PTBP3: variants seen among roughly 807,000 people sequenced by gnomAD.
PTBP3 encodes the protein polypyrimidine tract binding protein 3, also known as polypyrimidine tract-binding protein 3.
PTBP3 carries 20 observed loss-of-function variants against 58.7 expected under a neutral mutation model. That is an observed-to-expected ratio of 0.34 (90% CI 0.24 to 0.50). The LOEUF (loss-of-function observed/expected upper bound fraction) is 0.50. Ranked by LOEUF, PTBP3 falls within the 20% of genes least tolerant of loss-of-function variation. The probability of loss-of-function intolerance (pLI) is 0.98; values close to 1 mark genes in which losing one functional copy is unlikely to be tolerated. For synonymous variants in PTBP3, 185 were observed against 219.8 expected (o/e 0.84, Z 1.40); for missense variants, 509 against 637.2 (o/e 0.80, Z 2.17).
chr9:112,285,628 G>A (rs1394199738), intron 2 of PTBP3, among the ~76,000 whole-genome samples: 1 of 152,150 alleles, frequency 6.6e-6, no homozygotes. Flanking sequence ...GTGCAGTTAC[G>A]GCATGAAAGC....
At chr9:112,263,503 T>C (rs1836681972) in intron 4 of PTBP3, among the ~76,000 whole-genome samples, 1 of 152,212 alleles carries the variant, frequency 6.6e-6, no homozygotes, top group African/African-American at 2.4e-5. Context: ...ACAGATACTC[T>C]GAATTGAATC....
chr9:112,289,726 G>C (rs1828294273), intron 2 of PTBP3, among the ~76,000 whole-genome samples: 1 of 152,154 alleles, frequency 6.6e-6, no homozygotes, highest in Admixed American at 6.5e-5. Context: ...AGGCTGTAGT[G>C]AGCTGTGATT....
Position 112,262,453 on chromosome 9 carries a change from G to A in PTBP3, c.498C>T (p.Thr166=). The A allele has an allele frequency of 6.2e-7, 1 of 1,601,862 alleles. No homozygotes were observed. The highest frequency in any genetic ancestry group is 8.5e-7 in the Non-Finnish European group (1 of 1,175,770). The part of the protein sequence containing the change: ...IIIENLFYPV[T]LEVLHQIFSK... ...TCCTTACCTGATGAAGAACTTCCAGGGTAACAGGGTAAAAGAGGTTTTCAA... is the reference window on the plus strand; with the variant it reads ...TCCTTACCTGATGAAGAACTTCCAGAGTAACAGGGTAAAAGAGGTTTTCAA... The change falls in exon 5 of 14, where the codon ACC becomes ACT. Residue 166 remains threonine (T), a synonymous_variant. Coordinates refer to ENST00000374257, the MANE Select transcript of PTBP3 (RefSeq NM_001163788.4).
chr9:112,243,279 G>A (rs1041436835), intron 7 of PTBP3, among the ~76,000 whole-genome samples: 6 of 151,854 alleles, frequency 4.0e-5, no homozygotes, highest in Non-Finnish European at 8.8e-5. Context: ...GGTGGCTCAC[G>A]TCTGTAATAC....
At position 112,223,919 on chromosome 9, in the gene PTBP3, C is replaced by T; in HGVS notation, c.1507G>A (p.Glu503Lys). The T allele has an allele frequency of 1.2e-6, 2 of 1,613,762 alleles. No individual in the cohort carries two copies. The highest frequency in any genetic ancestry group is 1.1e-5 in the South Asian group (1 of 91,062). The change falls in exon 14 of 14, where the codon GAG becomes AAG. Residue 503 changes from glutamate to lysine, a missense_variant. By Grantham distance (56) the Glu-to-Lys change is moderately conservative. Transcript: ENST00000374257. ...TCTCCAAGGTCATGGTTATGAAGCT[C>T]AATGAGGGCCTGAATTGCTTCTTCC... is the stretch of plus-strand genomic sequence containing the variant. ...SVEEAIQALI[E>K]LHNHDLGENH...
intron 1 of PTBP3, among the ~76,000 whole-genome samples, chr9:112,317,901 C>T (rs1375068473): frequency 1.3e-5 from 2 of 151,988 alleles, no homozygotes; most frequent in Non-Finnish European, 2.9e-5. Flanking sequence ...CAAGATCGCG[C>T]CACTGCACTC....
At chr9:112,301,106 T>C (rs956835107) in intron 1 of PTBP3, among the ~76,000 whole-genome samples, 4 of 152,062 alleles carry the variant, frequency 2.6e-5, no homozygotes, top group African/African-American at 9.6e-5. Context: ...TATTTACAAG[T>C]CACACATCTC....
the PTBP3 span, among the ~76,000 whole-genome samples, chr9:112,368,887 G>T: frequency 2.0e-5 from 3 of 152,226 alleles, no homozygotes; most frequent in Non-Finnish European, 2.9e-5. Flanking sequence ...ATGGTTTCAT[G>T]GGCCAGGGCC....
At chr9:112,349,863 C>CAAAAAAAAAAAAAAAAA in the PTBP3 span, among the ~76,000 whole-genome samples, 4 of 49,696 alleles carry the variant, frequency 8.0e-5, no homozygotes, top group African/African-American at 3.6e-4. Context: ...GACTCTGTCT[C>CAAAAAAAAAAAAAAAAA]AAAAAAAAAA....
intron 6 of PTBP3, among the ~76,000 whole-genome samples, chr9:112,251,752 G>C (rs566699935): frequency 1.3e-5 from 2 of 151,980 alleles, no homozygotes; most frequent in Admixed American, 6.6e-5. Context: ...ACAAATGCTT[G>C]AATTTATAAA....
chr9:112,259,446 C>T (rs1483831018), intron 5 of PTBP3, among the ~76,000 whole-genome samples: 1 of 152,200 alleles, frequency 6.6e-6, no homozygotes, highest in African/African-American at 2.4e-5. Flanking sequence ...TGACACCAGC[C>T]TTCTTTCTGA....
the PTBP3 span, among the ~76,000 whole-genome samples, chr9:112,379,201 AAAAC>A: frequency 1.1e-4 from 16 of 152,178 alleles, no homozygotes; most frequent in Non-Finnish European, 1.6e-4. Context: ...AAACAAAACA[AAAAC>A]AAAGGAGAGA....
At chr9:112,228,747 A>C (rs1835090653) in intron 10 of PTBP3, among the ~76,000 whole-genome samples, 1 of 152,212 alleles carries the variant, frequency 6.6e-6, no homozygotes, top group Non-Finnish European at 1.5e-5. Flanking sequence ...AGCTGTAGAT[A>C]AATACCATCA....
intron 1 of PTBP3, among the ~76,000 whole-genome samples, chr9:112,303,431 T>C (rs1364820977): frequency 6.6e-6 from 1 of 152,118 alleles, no homozygotes; most frequent in Non-Finnish European, 1.5e-5. Context: ...GTACACAAAG[T>C]TAGTTCTCAG....
chr9:112,277,946 T>TAATATAACATAACATAAC (rs1564427648), intron 2 of PTBP3, among the ~76,000 whole-genome samples: 1 of 58,170 alleles, frequency 1.7e-5, no homozygotes, highest in East Asian at 4.3e-4. Flanking sequence ...CATAACATAA[T>TAATATAACATAACATAAC]ATAACATAAC....
rs1001543001 is a variant in PTBP3 at position 112,252,869 on chromosome 9, A to G, written c.517-81T>C. On this transcript the variant is annotated intron_variant, in intron 5 of 13. Coordinates refer to ENST00000374257, the MANE Select transcript of PTBP3 (RefSeq NM_001163788.4). The stretch of plus-strand genomic sequence containing the variant: ...TCTTTATAAATACAACTTGTTCATA[A>G]ATCCTTTTAAATGAAAATTTTCTCT... 3.4e-5 allele frequency: 28 copies of G among 825,610 alleles called. No individual in the cohort carries two copies. In the Admixed American group the frequency reaches 4.8e-4, roughly 14 times the overall value. 51.1% of individuals were successfully genotyped at this position (825,610 alleles called of 1,614,324 possible). A position where few individuals can be genotyped will look rare whatever the true frequency, so the allele number is the denominator to read the frequency against.
At chr9:112,238,256 T>A (rs1314732880) in intron 7 of PTBP3, among the ~76,000 whole-genome samples, 1 of 152,132 alleles carries the variant, frequency 6.6e-6, no homozygotes, top group Non-Finnish European at 1.5e-5. Context: ...AGACACTTTT[T>A]AAAAATGAAC....
intron 4 of PTBP3, among the ~76,000 whole-genome samples, chr9:112,266,281 C>A (rs565809810): frequency 6.6e-6 from 1 of 152,128 alleles, no homozygotes; most frequent in African/African-American, 2.4e-5. Context: ...GTATATTTTA[C>A]TACAATAAAA....
the PTBP3 span, among the ~76,000 whole-genome samples, chr9:112,343,916 T>C: frequency 6.6e-6 from 1 of 152,162 alleles, no homozygotes; most frequent in African/African-American, 2.4e-5. Flanking sequence ...AAAGTACCTG[T>C]TCATATATTT....
Sources: gnomAD v4.1 joint callset for allele counts (sites outside exome capture counted in the v4.1 genomes callset) on GRCh38, gnomAD v4.1.1 for gene constraint, MANE v1.5 for transcripts, NCBI Gene and HGNC (gene_info 2026-07-23, HGNC 2026-07-21) for gene names.